Variants in COL11A2 observed in about 807,000 individuals in gnomAD.
The protein encoded by COL11A2 is collagen type XI alpha 2 chain.
COL11A2 carries 116 observed loss-of-function variants against 273.4 expected under a neutral mutation model. The ratio of observed to expected loss-of-function variants is 0.42; its 90% CI spans 0.36 to 0.49. COL11A2 has a LOEUF of 0.49. Ranked by LOEUF, COL11A2 falls within the 20% of genes least tolerant of loss-of-function variation. The probability of loss-of-function intolerance (pLI) is 0.00; values close to 1 mark genes in which losing one functional copy is unlikely to be tolerated. For synonymous variants in COL11A2, 782 were observed against 864.2 expected, an observed-to-expected ratio of 0.90 and a Z score of 1.67; for missense variants, 1,866 against 2,309.0, an observed-to-expected ratio of 0.81 and a Z score of 3.93.
Position 33,176,639 on chromosome 6 carries a change from A to T in COL11A2, c.2115+82T>A. 6.9e-7 allele frequency: 1 copy of T among 1,450,830 alleles called. No individual in the cohort carries two copies. The highest frequency in any genetic ancestry group is 1.2e-5 in the South Asian group (1 of 84,820). The allele number at this position is 1,450,830 out of a possible 1,614,324, so 89.9% of individuals were successfully genotyped here. On this transcript the variant is annotated intron_variant, in intron 26 of 65. Transcript: ENST00000341947. The surrounding 1 kb of genome is among the most constrained non-coding windows in gnomAD (Gnocchi z 4.9). ...ATGTGGCAGAGCCATATGAATAATG[A>T]GACAAGGGAATCCCAAGGACTTTGA...
chr6:33,180,085 C>T (rs1170602326), intron 12 of COL11A2, among the ~76,000 whole-genome samples, 173 bp downstream of exon 12: 2 of 152,214 alleles, frequency 1.3e-5, no homozygotes, highest in African/African-American at 4.8e-5. Context: ...TGTTCTAGGT[C>T]ACCTAATGAG....
chr6:33,171,303 G>C lies in COL11A2; in HGVS notation c.3280C>G (p.Gln1094Glu), dbSNP rs1330692558. Residue 1094 changes from glutamine to glutamate, a missense_variant, in exon 44 of 66, where the codon CAG (glutamine) becomes GAG (glutamate). By Grantham distance (29) the Gln-to-Glu change is conservative. Transcript: ENST00000341947. The part of the protein sequence containing the change: ...GDKGEVGDPG[Q>E]KGTKGNKGEH... Reference sequence around the variant, plus strand: ...CCCTTGTTCCCTTTGGTGCCCTTCTGTCCGGGGTCCCCCACCTCACCCTGG... The same window carrying C: ...CCCTTGTTCCCTTTGGTGCCCTTCTCTCCGGGGTCCCCCACCTCACCCTGG... 6.2e-7 allele frequency: 1 copy of C among 1,614,200 alleles called. No individual in the cohort carries two copies. Among genetic ancestry groups the C allele is most frequent in the Non-Finnish European group, 8.5e-7 (1 of 1,180,020 alleles).
chr6:33,172,139 C>T (rs374690977), intron 40 of COL11A2, 36 bp from the exon 41 acceptor site: 43 of 1,610,376 alleles, frequency 2.7e-5, no homozygotes, highest in African/African-American at 1.1e-4. Flanking sequence ...TGAGACTTCA[C>T]GAAAAGAGAA....
rs1482078538 is a variant in COL11A2, at chr6:33,164,507, G to T, written c.4864-34C>A. 1 of 1,488,328 alleles carries T rather than the reference G, an allele frequency of 6.7e-7. No individual in the cohort carries two copies. The highest frequency in any genetic ancestry group is 9.0e-7 in the Non-Finnish European group (1 of 1,107,954). The allele number at this position is 1,488,328 out of a possible 1,614,324, so 92.2% of individuals were successfully genotyped here. A position where few individuals can be genotyped will look rare whatever the true frequency, so the allele number is the denominator to read the frequency against. ...AGAGAGAGGGCTGGCCTCAGAGGGG[G>T]AGAGAGAGGGCTGGCCTCAGAGGGA... On this transcript the variant is annotated intron_variant, in intron 64 of 65. Transcript: ENST00000341947. This position sits in a 1 kb window ranked among gnomAD's most constrained non-coding sequence, Gnocchi z 4.7.
Position 33,166,218 on chromosome 6 carries a change from G to C in COL11A2, c.4393-12C>G. 1 of 1,596,126 alleles carries C rather than the reference G, an allele frequency of 6.3e-7. No homozygotes were observed. The highest frequency in any genetic ancestry group is 8.5e-7 in the Non-Finnish European group (1 of 1,172,226). ...GGGCCAGCAGGTCCCTGTGAAATGA[G>C]GAACAAGAAAGAGACGGTCACTGCA... is the stretch of plus-strand genomic sequence containing the variant. On this transcript the variant is annotated splice_polypyrimidine_tract_variant and intron_variant, in intron 60 of 65. Coordinates refer to ENST00000341947, the MANE Select transcript of COL11A2 (RefSeq NM_080680.3). This position sits in a 1 kb window ranked among gnomAD's most constrained non-coding sequence, Gnocchi z 4.8.
At chr6:33,187,788 A>G (rs945458443) in intron 4 of COL11A2, among the ~76,000 whole-genome samples, 2 of 137,422 alleles carry the variant, frequency 1.5e-5, no homozygotes, top group African/African-American at 5.3e-5. Context: ...TGGTGGAAGG[A>G]TAATGGATAG....
chr6:33,179,608 C>G lies in COL11A2; in HGVS notation c.1446+111G>C, dbSNP rs1021772671. On this transcript the variant is annotated intron_variant, in intron 13 of 65. Coordinates refer to ENST00000341947, the MANE Select transcript of COL11A2 (RefSeq NM_080680.3). This position sits in a 1 kb window ranked among gnomAD's most constrained non-coding sequence, Gnocchi z 6.4. The stretch of plus-strand genomic sequence containing the variant: ...TCCACTGCCCAGGATTCTCCCCAAC[C>G]TCCCTGTTAACCCCAAACCAACCCA... The G allele has an allele frequency of 4.1e-6, 6 of 1,468,598 alleles. No individual in the cohort carries two copies. The Admixed American group carries it at 9.6e-5, about 24-fold the overall frequency. 91.0% of individuals were successfully genotyped at this position (1,468,598 alleles called of 1,614,324 possible).
Position 33,174,570 on chromosome 6 carries a change from C to A in COL11A2, c.2387G>T (p.Gly796Val). The change falls in exon 31 of 66, where the codon GGT becomes GTT. Residue 796 changes from glycine to valine, a missense_variant. Gly to Val is a moderately radical substitution (Grantham distance 109, BLOSUM62 -3). Coordinates refer to ENST00000341947, the MANE Select transcript of COL11A2 (RefSeq NM_080680.3). ...AGGATAGCCAGGCAGACCAGGAACA[C>A]CCAGCTTGCCCTGTGGAGGGACAGG... ...PGLMGEKGKL[G>V]VPGLPGYPGR... is the part of the protein sequence containing the mutation. 6.2e-7 allele frequency: 1 copy of A among 1,612,418 alleles called. No individual in the cohort carries two copies.
chr6:33,172,398 G>T lies in COL11A2; in HGVS notation c.2899-20C>A. The T allele has an allele frequency of 6.4e-7, 1 of 1,572,986 alleles. No individual in the cohort carries two copies. The highest frequency in any genetic ancestry group is 8.6e-7 in the Non-Finnish European group (1 of 1,156,564). On this transcript the variant is annotated intron_variant, in intron 39 of 65. Transcript: ENST00000341947. ...GTCACCCTAAAAGGAAAGGAGAGGT[G>T]ATGAGCCACAGCCATGCTCCCAAAT...
Position 33,166,941 on chromosome 6 carries a change from A to C in COL11A2, c.4231-114T>G. ...GGCACAGGGTCCGTGAGTGGCCCTCACTGAGCAGGGACTCCCTGGGACTGG... is the reference window on the plus strand; with the variant it reads ...GGCACAGGGTCCGTGAGTGGCCCTCCCTGAGCAGGGACTCCCTGGGACTGG... On this transcript the variant is annotated intron_variant, in intron 58 of 65. Coordinates refer to ENST00000341947, the MANE Select transcript of COL11A2 (RefSeq NM_080680.3). The surrounding 1 kb of genome is among the most constrained non-coding windows in gnomAD (Gnocchi z 4.8). 6.6e-7 allele frequency: 1 copy of C among 1,512,548 alleles called. No homozygotes were observed. Among genetic ancestry groups the C allele is most frequent in the Non-Finnish European group, 9.1e-7 (1 of 1,102,974 alleles). The allele number at this position is 1,512,548 out of a possible 1,614,324, so 93.7% of individuals were successfully genotyped here. A position where few individuals can be genotyped will look rare whatever the true frequency, so the allele number is the denominator to read the frequency against.
intron 6 of COL11A2, 88 bp from the exon 7 acceptor site, chr6:33,185,142 C>T: frequency 1.0e-6 from 1 of 962,162 alleles, no homozygotes; most frequent in Non-Finnish European, 1.6e-6. Context: ...AGCACCTGTC[C>T]CCCGAGGGCA....
Position 33,184,174 on chromosome 6 carries a change from G to C in COL11A2, c.1090C>G (p.Leu364Val), listed in dbSNP as rs770935156. Residue 364 changes from leucine (L) to valine (V), a missense_variant, in exon 8 of 66, where the codon CTC (leucine) becomes GTC (valine). Transcript: ENST00000341947. The stretch of plus-strand genomic sequence containing the variant: ...CCTGAGTGGGCTGTCTCCGCAGAGA[G>C]GGCAGGGCCAAGCTCTGTCTCCTCA... ...YREETELGPALSAETAHSGAA... is the reference protein window; with the variant it reads ...YREETELGPAVSAETAHSGAA... 4 of 1,367,412 alleles carry C rather than the reference G, an allele frequency of 2.9e-6. No homozygotes were observed. Among genetic ancestry groups the C allele is most frequent in the Middle Eastern group, 2.1e-4 (1 of 4,768 alleles). 84.7% of individuals were successfully genotyped at this position (1,367,412 alleles called of 1,614,324 possible).
In COL11A2 at chr6:33,190,278, G is replaced by T. The variant is rs1378994539; in HGVS notation, c.83-809C>A. Reference sequence around the variant, plus strand: ...CCAGGGCCCTGAGCCACACATCTGTGGATCCCATCAGAGTGCTTGCCCAGA... The same window carrying T: ...CCAGGGCCCTGAGCCACACATCTGTTGATCCCATCAGAGTGCTTGCCCAGA... On this transcript the variant is annotated intron_variant, in intron 1 of 65. Coordinates refer to ENST00000341947, the MANE Select transcript of COL11A2 (RefSeq NM_080680.3). This position sits in a 1 kb window ranked among gnomAD's most constrained non-coding sequence, Gnocchi z 4.5. Among the ~76,000 whole-genome samples the T allele has an allele frequency of 6.6e-6, 1 of 152,078 alleles. No homozygotes were observed. Among genetic ancestry groups the T allele is most frequent in the East Asian group, 1.9e-4 (1 of 5,188 alleles).
chr6:33,192,948 A>G (rs1259404051), upstream of COL11A2, among the ~76,000 whole-genome samples: 4 of 152,160 alleles, frequency 2.6e-5, no homozygotes, highest in Non-Finnish European at 2.9e-5. Context: ...ACAAGGCTAT[A>G]GATAGCGACG....
At chr6:33,181,241 C>A in intron 8 of COL11A2, 71 bp from the exon 9 acceptor site, 1 of 1,473,728 alleles carries the variant, frequency 6.8e-7, no homozygotes, top group Non-Finnish European at 9.5e-7. Flanking sequence ...TTCTCCATCT[C>A]AACTCCAACC....
chr6:33,184,161 G>A lies in COL11A2; in HGVS notation c.1103C>T (p.Thr368Ile). 1 of 1,367,302 alleles carries A rather than the reference G, an allele frequency of 7.3e-7. No individual in the cohort carries two copies. The highest frequency in any genetic ancestry group is 9.8e-7 in the Non-Finnish European group (1 of 1,021,994). The allele number at this position is 1,367,302 out of a possible 1,614,324, so 84.7% of individuals were successfully genotyped here. The change falls in exon 8 of 66, where the codon ACA (threonine) becomes ATA (isoleucine). Residue 368 changes from threonine to isoleucine, a missense_variant. By Grantham distance (89) the Thr-to-Ile change is moderately conservative. Coordinates refer to ENST00000341947, the MANE Select transcript of COL11A2 (RefSeq NM_080680.3). Reference protein sequence around the residue: ...TELGPALSAETAHSGAAAHGP... With the variant: ...TELGPALSAEIAHSGAAAHGP... ...TTCACTTACGGCTCCTGAGTGGGCT[G>A]TCTCCGCAGAGAGGGCAGGGCCAAG...
At chr6:33,186,590 G>A in intron 5 of COL11A2, 37 bp downstream of exon 5, 1 of 1,614,126 alleles carries the variant, frequency 6.2e-7, no homozygotes, top group Non-Finnish European at 8.5e-7. Context: ...CCCTCTCTGG[G>A]GTGTGCTGCA....
In COL11A2 at chr6:33,174,532, G is replaced by C. The variant is rs1483323590; in HGVS notation, c.2425C>G (p.Pro809Ala). 3.7e-6 allele frequency: 6 copies of C among 1,612,504 alleles called. No individual in the cohort carries two copies. The highest frequency in any genetic ancestry group is 1.7e-4 in the Middle Eastern group (1 of 6,046). Residue 809 changes from proline to alanine, a missense_variant, in exon 31 of 66, where the codon CCC (proline) becomes GCC (alanine). By Grantham distance (27) the Pro-to-Ala change is conservative. Coordinates refer to ENST00000341947, the MANE Select transcript of COL11A2 (RefSeq NM_080680.3). Reference protein sequence around the residue: ...GLPGYPGRQGPKGSLGFPGFP... With the variant: ...GLPGYPGRQGAKGSLGFPGFP... ...CGTATGGGGCATGGCATCACCTTGG[G>C]TCCCTGACGTCCAGGATAGCCAGGC...
chr6:33,163,852 G>T lies in COL11A2; in HGVS notation c.5071-34C>A. 1.2e-6 allele frequency: 2 copies of T among 1,612,822 alleles called. No homozygotes were observed. Among genetic ancestry groups the T allele is most frequent in the Middle Eastern group, 1.7e-4 (1 of 6,050 alleles). On this transcript the variant is annotated intron_variant, in intron 65 of 65. Transcript: ENST00000341947. This position sits in a 1 kb window ranked among gnomAD's most constrained non-coding sequence, Gnocchi z 4.1. ...GGAGACAAGGAAGAAAGTGTGAGCA[G>T]GATGGAGGCACCCCCCACCCTCTAA...
Sources: gnomAD v4.1 joint callset for allele counts (sites outside exome capture counted in the v4.1 genomes callset) on GRCh38, gnomAD v4.1.1 for gene constraint, Gnocchi (gnomAD v3.1) non-coding constraint, MANE v1.5 for transcripts, NCBI Gene and HGNC (gene_info 2026-07-23, HGNC 2026-07-21) for gene names.